ASTN2: variants seen among roughly 807,000 people sequenced by gnomAD.
ASTN2 encodes the protein astrotactin-2.
Under a neutral mutation model 139.8 loss-of-function variants are expected in ASTN2, and 54 were observed. That is an observed-to-expected ratio of 0.39 (90% CI 0.31 to 0.48). The LOEUF is 0.48. ASTN2 is among the 20% of genes least tolerant of loss of function. The pLI, the probability that ASTN2 is intolerant of heterozygous loss-of-function variation, is 0.95. For missense variants in ASTN2, 1,565 were observed against 1,725.1 expected (o/e 0.91, Z 1.64); for synonymous variants, 756 against 719.5 (o/e 1.05, Z -0.81).
intron 10 of ASTN2, among the ~76,000 whole-genome samples, chr9:116,876,993 C>A (rs944003152): frequency 2.0e-5 from 3 of 152,188 alleles, no homozygotes; most frequent in Non-Finnish European, 4.4e-5. Context: ...CTGGGGCTTA[C>A]AGTTGTTGGG....
intron 10 of ASTN2, among the ~76,000 whole-genome samples, chr9:116,949,373 A>G (rs1050842721): frequency 3.3e-5 from 5 of 152,074 alleles, no homozygotes; most frequent in African/African-American, 1.2e-4. Context: ...AACTCTCCAC[A>G]ATATATTTAT....
intron 1 of ASTN2, among the ~76,000 whole-genome samples, chr9:117,412,437 G>T (rs1383416591): frequency 6.6e-6 from 1 of 152,144 alleles, no homozygotes; most frequent in Non-Finnish European, 1.5e-5. Flanking sequence ...GGGGAATCAA[G>T]ACTTCTAATT....
At chr9:116,631,212 T>A (rs901901624) in intron 17 of ASTN2, among the ~76,000 whole-genome samples, 4 of 152,162 alleles carry the variant, frequency 2.6e-5, no homozygotes, top group African/African-American at 9.7e-5. Context: ...TGGGCATATA[T>A]ACAAAGGAAA....
At chr9:116,961,756 G>A (rs1321173422) in intron 10 of ASTN2, among the ~76,000 whole-genome samples, 2 of 152,196 alleles carry the variant, frequency 1.3e-5, no homozygotes, top group Non-Finnish European at 1.5e-5. Flanking sequence ...GGCAAGTAGA[G>A]TATGCAGAAA....
At chr9:116,790,962 A>AGAAGGAAG (rs1488773987) in intron 13 of ASTN2, among the ~76,000 whole-genome samples, 4 of 123,308 alleles carry the variant, frequency 3.2e-5, no homozygotes, top group African/African-American at 1.3e-4. Flanking sequence ...AAGAAAAGAA[A>AGAAGGAAG]GAAGGAAAGA....
At chr9:117,218,029 C>A (rs1191118950) in intron 2 of ASTN2, among the ~76,000 whole-genome samples, 1 of 152,226 alleles carries the variant, frequency 6.6e-6, no homozygotes, top group Non-Finnish European at 1.5e-5. Context: ...AAACTAGCTC[C>A]AGCATGACTT....
intron 1 of ASTN2, among the ~76,000 whole-genome samples, chr9:117,382,805 C>T (rs1461035936): frequency 1.3e-5 from 2 of 152,042 alleles, no homozygotes; most frequent in African/African-American, 2.4e-5. Flanking sequence ...TCCTGCTGTA[C>T]GAGTTCAAAG....
chr9:116,510,326 G>A (rs1850316529), intron 19 of ASTN2, among the ~76,000 whole-genome samples: 1 of 152,148 alleles, frequency 6.6e-6, no homozygotes, highest in African/African-American at 2.4e-5. Context: ...TAGATGTGTG[G>A]TATTATTTCT....
At chr9:116,805,502 T>A in intron 13 of ASTN2, 130 bp downstream of exon 13, 1 of 803,192 alleles carries the variant, frequency 1.2e-6, no homozygotes, top group South Asian at 1.8e-5. Context: ...CTTAAGAGGG[T>A]ACCTGTGAGC....
intron 2 of ASTN2, among the ~76,000 whole-genome samples, chr9:117,260,465 A>G (rs1195342120): frequency 6.6e-6 from 1 of 152,170 alleles, no homozygotes; most frequent in Non-Finnish European, 1.5e-5. Context: ...CTTCCTGGTA[A>G]CAAACTTCAT....
At chr9:117,112,016 A>T (rs1051316756) in intron 4 of ASTN2, among the ~76,000 whole-genome samples, 1 of 152,060 alleles carries the variant, frequency 6.6e-6, no homozygotes, top group Non-Finnish European at 1.5e-5. Context: ...TAAAAAAAAA[A>T]TTCAAAAATA....
intron 10 of ASTN2, among the ~76,000 whole-genome samples, chr9:116,931,225 C>T (rs1243944434): frequency 6.6e-6 from 1 of 152,224 alleles, no homozygotes; most frequent in African/African-American, 2.4e-5. Context: ...TAAGCCTCAT[C>T]ATTCAAACTG....
intron 13 of ASTN2, among the ~76,000 whole-genome samples, chr9:116,761,007 G>A (rs1262926209): frequency 6.6e-6 from 1 of 152,194 alleles, no homozygotes; most frequent in Non-Finnish European, 1.5e-5. Context: ...AAGGATGGCT[G>A]GGAGCTGGAA....
At chr9:117,235,293 G>A (rs1047602438) in intron 2 of ASTN2, among the ~76,000 whole-genome samples, 1 of 151,016 alleles carries the variant, frequency 6.6e-6, no homozygotes, top group Non-Finnish European at 1.5e-5. Flanking sequence ...AGCCCCTATT[G>A]CATGTCATTT....
intron 19 of ASTN2, among the ~76,000 whole-genome samples, chr9:116,506,458 C>CA: frequency 6.6e-6 from 1 of 151,918 alleles, no homozygotes; most frequent in Non-Finnish European, 1.5e-5. Context: ...TGGGATTTTA[C>CA]CTCTTAGGCG....
intron 16 of ASTN2, among the ~76,000 whole-genome samples, chr9:116,661,612 T>C (rs889426443): frequency 3.9e-5 from 6 of 151,938 alleles, no homozygotes; most frequent in South Asian, 4.2e-4. Flanking sequence ...GAAAAGATAA[T>C]TGATGGAGCA....
intron 1 of ASTN2, among the ~76,000 whole-genome samples, chr9:117,373,414 G>T (rs183057808): frequency 2.6e-4 from 40 of 152,234 alleles, no homozygotes; most frequent in African/African-American, 5.3e-4. Flanking sequence ...TGGCTTCCCT[G>T]GTACCACCCA....
Position 116,766,188 on chromosome 9 carries a change from C to T in ASTN2, c.2397-32665G>A, listed in dbSNP as rs569141895. 3.9e-5 allele frequency among the ~76,000 whole-genome samples: 6 copies of T among 152,102 alleles called. No homozygotes were observed. The South Asian group carries it at 1.2e-3, about 32-fold the overall frequency. On this transcript the variant is annotated intron_variant, in intron 13 of 22. Transcript: ENST00000313400. ...ATGGCCTAAAACTATGACAAAGAGA[C>T]GACAACCCCCACTGGGCCAAACTTG...
chr9:116,926,144 A>G (rs575138328), intron 10 of ASTN2, among the ~76,000 whole-genome samples: 14 of 152,024 alleles, frequency 9.2e-5, no homozygotes, highest in Non-Finnish European at 1.3e-4. Flanking sequence ...CCTGTTTGTA[A>G]TGTTGTTCCC....
Sources: allele counts gnomAD v4.1 joint callset (sites outside exome capture counted in the v4.1 genomes callset), GRCh38; gene constraint gnomAD v4.1.1; transcripts MANE v1.5; gene names NCBI Gene and HGNC (gene_info 2026-07-23, HGNC 2026-07-21).